The following STAG2 variants were observed in gnomAD, a reference collection of about 807,000 sequenced individuals.
STAG2 encodes STAG2 cohesin complex component, also known as cohesin subunit SA-2.
In STAG2, 14 loss-of-function variants were observed where a neutral mutation model predicts 108.1. That is an observed-to-expected ratio of 0.13 (90% CI 0.09 to 0.20). The LOEUF (loss-of-function observed/expected upper bound fraction) is 0.20, where lower values mean the gene tolerates loss of function less well. Among genes scored for constraint, STAG2 ranks in the 10% least tolerant of loss-of-function variants. STAG2 has a pLI of 1.00. For missense variants in STAG2, 440 were observed against 940.9 expected, an observed-to-expected ratio of 0.47 and a Z score of 6.96; for synonymous variants, 307 against 302.7, an observed-to-expected ratio of 1.01 and a Z score of -0.15.
intron 2 of STAG2, among the ~76,000 whole-genome samples, 185 bp from the exon 3 acceptor site, chrX:124,022,346 G>T (rs1402032729): frequency 1.0e-5 from 1 of 99,880 alleles, no homozygotes; most frequent in Non-Finnish European, 2.0e-5. Context: ...ACCCCAGCCT[G>T]GGTGACAGAG....
chrX:123,987,470 A>G (rs1014675535), intron 1 of STAG2, among the ~76,000 whole-genome samples: 1 of 105,085 alleles, frequency 9.5e-6, no homozygotes, highest in Non-Finnish European at 1.9e-5. Flanking sequence ...CTGGTCTCAA[A>G]CTCCTGATCT....
intron 1 of STAG2, among the ~76,000 whole-genome samples, chrX:123,996,478 A>T (rs978759622): frequency 1.8e-5 from 2 of 111,999 alleles, no homozygotes; most frequent in African/African-American, 6.5e-5. Flanking sequence ...AACCATCACT[A>T]CAATTAAGAT....
intron 1 of STAG2, among the ~76,000 whole-genome samples, chrX:123,997,654 T>C (rs1022483983): frequency 3.5e-5 from 4 of 112,883 alleles, no homozygotes; most frequent in African/African-American, 1.3e-4. Context: ...TTTTGTTTTT[T>C]TGAGACAGAG....
intron 1 of STAG2, among the ~76,000 whole-genome samples, chrX:123,995,446 G>A (rs1240687102): frequency 1.8e-5 from 2 of 111,879 alleles, no homozygotes; most frequent in South Asian, 7.5e-4. Flanking sequence ...TGTAATCTCA[G>A]CACTTTGGGA....
At chrX:124,080,904 C>T (rs2058942463) in intron 27 of STAG2, among the ~76,000 whole-genome samples, 1 of 111,899 alleles carries the variant, frequency 8.9e-6, no homozygotes, top group Non-Finnish European at 1.9e-5. Context: ...AGCACTAAAA[C>T]TTTTTTGTAC....
At chrX:124,092,387 C>T (rs775170941) in intron 32 of STAG2, among the ~76,000 whole-genome samples, 5 of 111,721 alleles carry the variant, frequency 4.5e-5, no homozygotes, top group Non-Finnish European at 7.5e-5. Context: ...CTGGATCCTA[C>T]AACTGATTTC....
chrX:124,033,815 CAG>C (rs928542270), intron 5 of STAG2, among the ~76,000 whole-genome samples: 5 of 112,069 alleles, frequency 4.5e-5, no homozygotes, highest in Non-Finnish European at 7.5e-5. Context: ...TTATAAAAAA[CAG>C]AAATTTATTT....
At chrX:124,064,122 C>A in intron 20 of STAG2, 71 bp downstream of exon 20, 1 of 795,953 alleles carries the variant, frequency 1.3e-6, no homozygotes, top group Non-Finnish European at 1.8e-6. Context: ...ATTAGTCACC[C>A]AAGTGTTAAG....
At position 124,033,677 on chromosome X, in the gene STAG2, A is replaced by C. The variant is rs182492226; in HGVS notation, c.288+2552A>C. On this transcript the variant is annotated intron_variant, in intron 5 of 34. Transcript: ENST00000371145. ...CTCAGGAGGCTTAGGCAGGAGAATC[A>C]CTTGAACCCTGGAGGCGTAGGTTGC... Among the ~76,000 whole-genome samples, 1,095 of 111,541 alleles carry C rather than the reference A, an allele frequency of 9.8e-3. 17 individuals are homozygous for C. Among genetic ancestry groups the C allele is most frequent in the African/African-American group, 0.033 (1,021 of 30,642 alleles).
At chrX:124,093,629 AAT>A (rs1300971324) in intron 32 of STAG2, among the ~76,000 whole-genome samples, 1 of 110,136 alleles carries the variant, frequency 9.1e-6, no homozygotes, top group Non-Finnish European at 1.9e-5. Flanking sequence ...TATTGATGAA[AAT>A]ATATGTTTTC....
chrX:123,968,399 C>T (rs940687993), intron 1 of STAG2, among the ~76,000 whole-genome samples: 2 of 112,176 alleles, frequency 1.8e-5, no homozygotes, highest in African/African-American at 3.2e-5. Flanking sequence ...GTGACTCACC[C>T]TCTGAATCCC....
chrX:123,968,488 C>T (rs1215794913), intron 1 of STAG2, among the ~76,000 whole-genome samples: 2 of 111,085 alleles, frequency 1.8e-5, no homozygotes, highest in African/African-American at 3.3e-5. Flanking sequence ...AGGGAGACCC[C>T]ATCTCTACAA....
chrX:123,986,188 A>G (rs1019997164), intron 1 of STAG2, among the ~76,000 whole-genome samples: 1 of 107,432 alleles, frequency 9.3e-6, no homozygotes, highest in Admixed American at 1.0e-4. Flanking sequence ...TATATGATAT[A>G]TAATATATGT....
At chrX:123,972,440 T>G (rs1440233333) in intron 1 of STAG2, among the ~76,000 whole-genome samples, 2 of 108,742 alleles carry the variant, frequency 1.8e-5, no homozygotes, top group African/African-American at 6.7e-5. Flanking sequence ...CCGGCTAATT[T>G]TTTTGTATTT....
At chrX:123,987,602 A>G (rs935483391) in intron 1 of STAG2, among the ~76,000 whole-genome samples, 3 of 112,088 alleles carry the variant, frequency 2.7e-5, no homozygotes, top group African/African-American at 9.7e-5. Flanking sequence ...CTAGACATCT[A>G]TCATTTTAAG....
chrX:123,970,718 C>T (rs2054316113), intron 1 of STAG2, among the ~76,000 whole-genome samples: 1 of 111,829 alleles, frequency 8.9e-6, no homozygotes, highest in African/African-American at 3.3e-5. Context: ...TGTGGGAGCA[C>T]TGTTCATTAT....
intron 26 of STAG2, 92 bp downstream of exon 26, chrX:124,076,563 A>G: frequency 1.2e-6 from 1 of 831,211 alleles, no homozygotes; most frequent in Non-Finnish European, 1.6e-6. Context: ...GGCAAATTAC[A>G]TTTCTAGTGT....
intron 1 of STAG2, among the ~76,000 whole-genome samples, chrX:123,988,843 A>C: frequency 9.0e-6 from 1 of 111,624 alleles, no homozygotes; most frequent in Non-Finnish European, 1.9e-5. Context: ...TGGTGGTTTG[A>C]AAACTTAGAG....
chrX:124,023,236 A>C (rs760984341), intron 3 of STAG2, among the ~76,000 whole-genome samples: 1 of 112,087 alleles, frequency 8.9e-6, no homozygotes, highest in African/African-American at 3.2e-5. Context: ...TTTCATACTA[A>C]GGTACAGTTT....
Sources: allele counts gnomAD v4.1 joint callset (sites outside exome capture counted in the v4.1 genomes callset), GRCh38; gene constraint gnomAD v4.1.1; transcripts MANE v1.5; gene names NCBI Gene and HGNC (gene_info 2026-07-23, HGNC 2026-07-21).